Variants in PGGHG observed in about 807,000 individuals in gnomAD.
PGGHG encodes protein-glucosylgalactosylhydroxylysine glucosidase, also known as ATH1, acid trehalase-like 1.
PGGHG carries 67 observed loss-of-function variants against 74.5 expected under a neutral mutation model. That is an observed-to-expected ratio of 0.90 (90% CI 0.74 to 1.10). The LOEUF (loss-of-function observed/expected upper bound fraction) is 1.10. PGGHG is among the 50% of genes least tolerant of loss of function. PGGHG has a pLI of 0.00. For synonymous variants in PGGHG, 496 were observed against 419.9 expected (o/e 1.18, Z -2.21); for missense variants, 1,034 against 981.5 (o/e 1.05, Z -0.72).
chr11:292,473 G>T, intron 5 of PGGHG, 73 bp from the exon 6 acceptor site: 1 of 1,579,092 alleles, frequency 6.3e-7, no homozygotes. Context: ...CCTCCAGGGC[G>T]AGGGCACGGG....
chr11:292,027 G>A lies in PGGHG; in HGVS notation c.958G>A (p.Ala320Thr). 1.2e-6 allele frequency: 2 copies of A among 1,607,600 alleles called. No homozygotes were observed. The highest frequency in any genetic ancestry group is 1.7e-6 in the Non-Finnish European group (2 of 1,177,432). ...GATGTTCCACCCAGAAGCCGCCAGG[G>A]CCATCCTGGAGTACCGCATCCGCAC... ...ILMFHPEAAR[A>T]ILEYRIRTLD... The change falls in exon 5 of 14, where the codon GCC (alanine) becomes ACC (threonine). Residue 320 changes from alanine to threonine, a missense_variant. Coordinates refer to ENST00000409548, the MANE Select transcript of PGGHG (RefSeq NM_025092.5).
chr11:294,221 C>G (rs1290087124), intron 12 of PGGHG, 25 bp downstream of exon 12: 3 of 1,594,910 alleles, frequency 1.9e-6, no homozygotes, highest in African/African-American at 2.7e-5. Flanking sequence ...TGGCAGAGGG[C>G]AGCCCATGCC....
Position 293,642 on chromosome 11 carries a change from C to G in PGGHG, c.1529C>G (p.Pro510Arg). Reference sequence around the variant, plus strand: ...GTCGTGCTCCTGGGATACCCAGTCCCCTTCTCCCTGAGTCCTGATGTTCGC... The same window carrying G: ...GTCGTGCTCCTGGGATACCCAGTCCGCTTCTCCCTGAGTCCTGATGTTCGC... ...ADVVLLGYPV[P>R]FSLSPDVRRK... The change falls in exon 10 of 14, where the codon CCC (proline) becomes CGC (arginine). Residue 510 changes from proline to arginine, a missense_variant. Pro to Arg is a moderately radical substitution (Grantham distance 103). Transcript: ENST00000409548. 1.2e-6 allele frequency: 2 copies of G among 1,613,602 alleles called. No homozygotes were observed. Among genetic ancestry groups the G allele is most frequent in the Non-Finnish European group, 1.7e-6 (2 of 1,180,002 alleles).
At chr11:293,042 TC>T in intron 7 of PGGHG, 45 bp downstream of exon 7, 1 of 1,613,714 alleles carries the variant, frequency 6.2e-7, no homozygotes, top group Non-Finnish European at 8.5e-7. Flanking sequence ...GGGTGGATGC[TC>T]CCAGACTCAG....
In PGGHG at chr11:290,916, C is replaced by G. The variant is rs997328459; in HGVS notation, c.709C>G (p.Gln237Glu). The G allele has an allele frequency of 1.4e-5, 22 of 1,612,362 alleles. No individual in the cohort carries two copies. Among genetic ancestry groups the G allele is most frequent in the Non-Finnish European group, 1.8e-5 (21 of 1,179,640 alleles). ...LYTAHAQAWA[Q>E]LWVECGLDVV... ...TACGGCTCACGCACAGGCCTGGGCCCAGCTCTGGGTAGAATGTGGCTTGGA... is the reference window on the plus strand; with the variant it reads ...TACGGCTCACGCACAGGCCTGGGCCGAGCTCTGGGTAGAATGTGGCTTGGA... Residue 237 changes from glutamine to glutamate, a missense_variant, in exon 4 of 14, where the codon CAG becomes GAG. Gln to Glu is a conservative substitution (Grantham distance 29, BLOSUM62 2). Transcript: ENST00000409548.
Position 294,147 on chromosome 11 carries a change from G to C in PGGHG, c.1759G>C (p.Gly587Arg), listed in dbSNP as rs866797218. The C allele has an allele frequency of 1.2e-6, 2 of 1,612,782 alleles. No individual in the cohort carries two copies. Among genetic ancestry groups the C allele is most frequent in the Non-Finnish European group, 1.7e-6 (2 of 1,179,484 alleles). The change falls in exon 12 of 14, where the codon GGC becomes CGC. Residue 587 changes from glycine (G) to arginine (R), a missense_variant. Physicochemically the swap from Gly to Arg is moderately radical, Grantham distance 125. Transcript: ENST00000409548. ...DGSGAVNFLTGMGGFLQAVVF... is the reference protein window; with the variant it reads ...DGSGAVNFLTRMGGFLQAVVF... ...GTCAGGCGCTGTGAACTTCCTGACAGGCATGGGGGGCTTCCTGCAGGCGGT... is the reference window on the plus strand; with the variant it reads ...GTCAGGCGCTGTGAACTTCCTGACACGCATGGGGGGCTTCCTGCAGGCGGT...
chr11:290,102 C>G, intron 2 of PGGHG, 27 bp downstream of exon 2: 2 of 1,501,056 alleles, frequency 1.3e-6, no homozygotes, highest in Non-Finnish European at 1.8e-6. Context: ...TGCCTCACCC[C>G]TGCCCCAGGC....
Position 291,014 on chromosome 11 carries a change from G to T in PGGHG, c.807G>T (p.Gln269His), listed in dbSNP as rs1423830353. 5 of 1,612,500 alleles carry T rather than the reference G, an allele frequency of 3.1e-6. No homozygotes were observed. The highest frequency in any genetic ancestry group is 4.2e-6 in the Non-Finnish European group (5 of 1,179,942). ...ACTACCTGCTCAGTGCCCTGCCCCA[G>T]CCCAAGGCCCCAGGATACATCTGCC... ...SLYYLLSALPQPKAPGYICHG... is the reference protein window; with the variant it reads ...SLYYLLSALPHPKAPGYICHG... Residue 269 changes from glutamine to histidine, a missense_variant, in exon 4 of 14, where the codon CAG becomes CAT. Gln to His is a conservative substitution (Grantham distance 24). Coordinates refer to ENST00000409548, the MANE Select transcript of PGGHG (RefSeq NM_025092.5).
In PGGHG at chr11:294,655, C is replaced by T. The variant is rs374560574; in HGVS notation, c.2120C>T (p.Ser707Leu). Reference sequence around the variant, plus strand: ...TCCGAGTTCCCTGGGAGGACTTTTTCAGATGTTAGGGACCCGCTCCAGAGC... The same window carrying T: ...TCCGAGTTCCCTGGGAGGACTTTTTTAGATGTTAGGGACCCGCTCCAGAGC... The part of the protein sequence containing the change: ...SSSEFPGRTF[S>L]DVRDPLQSPL... The change falls in exon 14 of 14, where the codon TCA (serine) becomes TTA (leucine). Residue 707 changes from serine (S) to leucine (L), a missense_variant. By Grantham distance (145) the Ser-to-Leu change is moderately radical. Transcript: ENST00000409548. 2 of 1,613,546 alleles carry T rather than the reference C, an allele frequency of 1.2e-6. No individual in the cohort carries two copies. The highest frequency in any genetic ancestry group is 2.7e-5 in the African/African-American group (2 of 74,828).
chr11:293,174 C>A lies in PGGHG; in HGVS notation c.1282C>A (p.Pro428Thr), dbSNP rs1232866636. 6.2e-7 allele frequency: 1 copy of A among 1,613,786 alleles called. No homozygotes were observed. Among genetic ancestry groups the A allele is most frequent in the Non-Finnish European group, 8.5e-7 (1 of 1,180,008 alleles). ...ACTTGTGTGTCCAGGAGTCATGTCC[C>A]CCGACGAGTACCATTCAGGGGTCAA... is the stretch of plus-strand genomic sequence containing the variant. ...EKYHLRGVMS[P>T]DEYHSGVNNS... The change falls in exon 8 of 14, where the codon CCC becomes ACC. Residue 428 changes from proline (P) to threonine (T), a missense_variant. Transcript: ENST00000409548.
Position 293,255 on chromosome 11 carries a change from C to A in PGGHG, c.1343+20C>A. 6.2e-7 allele frequency: 1 copy of A among 1,608,832 alleles called. No homozygotes were observed. ...GAACAGGTCAGACACAAGATCCCCTCACCTCACCCCACCCCCGCCCCAGCT... is the reference window on the plus strand; with the variant it reads ...GAACAGGTCAGACACAAGATCCCCTAACCTCACCCCACCCCCGCCCCAGCT... On this transcript the variant is annotated intron_variant, in intron 8 of 13. Transcript: ENST00000409548.
chr11:294,981 C>A lies in PGGHG; in HGVS notation c.*232C>A. The A allele has an allele frequency of 2.0e-6, 1 of 504,984 alleles. No homozygotes were observed. Among genetic ancestry groups the A allele is most frequent in the Non-Finnish European group, 3.5e-6 (1 of 289,276 alleles). 31.3% of individuals were successfully genotyped at this position (504,984 alleles called of 1,614,324 possible). A position where few individuals can be genotyped will look rare whatever the true frequency, so the allele number is the denominator to read the frequency against. On this transcript the variant is annotated 3_prime_UTR_variant, in exon 14 of 14. Coordinates refer to ENST00000409548, the MANE Select transcript of PGGHG (RefSeq NM_025092.5). Reference sequence around the variant, plus strand: ...CATCTCCACACCGCCTCTGCCTGCCCCTGTGGACTGATGCTATCGCGCACC... The same window carrying A: ...CATCTCCACACCGCCTCTGCCTGCCACTGTGGACTGATGCTATCGCGCACC...
At position 293,939 on chromosome 11, in the gene PGGHG, C is replaced by T. The variant is rs770745066; in HGVS notation, c.1710+14C>T. Reference sequence around the variant, plus strand: ...GAACCCTTCAAGGTCAGCCTGGCCACACCTGCCTCCCACTGGGCCCCTTGT... The same window carrying T: ...GAACCCTTCAAGGTCAGCCTGGCCATACCTGCCTCCCACTGGGCCCCTTGT... On this transcript the variant is annotated intron_variant, in intron 11 of 13. Coordinates refer to ENST00000409548, the MANE Select transcript of PGGHG (RefSeq NM_025092.5). The T allele has an allele frequency of 3.4e-5, 55 of 1,607,254 alleles. No individual in the cohort carries two copies. Among genetic ancestry groups the T allele is most frequent in the Admixed American group, 1.7e-5 (1 of 58,886 alleles).
Position 292,632 on chromosome 11 carries a change from C to T in PGGHG, c.1113C>T (p.Asn371=), listed in dbSNP as rs369079985. The T allele has an allele frequency of 2.8e-5, 45 of 1,613,668 alleles. No homozygotes were observed. Among genetic ancestry groups the T allele is most frequent in the South Asian group, 7.7e-5 (7 of 91,094 alleles). ...DIYGVQEVHV[N]GAVVLAFELY... Reference sequence around the variant, plus strand: ...ACGGAGTCCAGGAGGTCCACGTCAACGGGGCCGTGGTGTTGGCCTTCGAGC... The same window carrying T: ...ACGGAGTCCAGGAGGTCCACGTCAATGGGGCCGTGGTGTTGGCCTTCGAGC... The change falls in exon 6 of 14, where the codon AAC becomes AAT. Residue 371 remains asparagine, a synonymous_variant. Coordinates refer to ENST00000409548, the MANE Select transcript of PGGHG (RefSeq NM_025092.5).
chr11:289,780 C>G lies in PGGHG; in HGVS notation c.-13-24C>G, dbSNP rs1845659919. 2.0e-6 allele frequency: 3 copies of G among 1,534,446 alleles called. No homozygotes were observed. The highest frequency in any genetic ancestry group is 2.7e-5 in the African/African-American group (2 of 72,778). On this transcript the variant is annotated intron_variant, in intron 1 of 13. Transcript: ENST00000409548. The surrounding 1 kb of genome is among the most constrained non-coding windows in gnomAD (Gnocchi z 5.6). The stretch of plus-strand genomic sequence containing the variant: ...GGAGGCCCAGCCAGTCCCGCGGCCC[C>G]TGACACCCCATCAGGCCGCTCAGGC...
rs140222962 is a variant in PGGHG, at chr11:292,962, A to C, written c.1235A>C (p.Glu412Ala). ...GCCGAGTTTTGGTGCAGTCGTGTTG[A>C]GTGGAGCCCCAGGGAGGAAAAGTAC... ...AVAEFWCSRV[E>A]WSPREEKYHL... The change falls in exon 7 of 14, where the codon GAG (glutamate) becomes GCG (alanine). Residue 412 changes from glutamate to alanine, a missense_variant. Transcript: ENST00000409548. 7.0e-3 allele frequency: 11,288 copies of C among 1,613,820 alleles called. 50 individuals carry two copies. Among genetic ancestry groups the C allele is most frequent in the Non-Finnish European group, 8.8e-3 (10,371 of 1,179,928 alleles).
rs755553946 is a variant in PGGHG, at chr11:293,452, C to G, written c.1430C>G (p.Pro477Arg). Residue 477 changes from proline (P) to arginine (R), a missense_variant, in exon 9 of 14, where the codon CCC becomes CGC. Pro to Arg is a moderately radical substitution (Grantham distance 103). Transcript: ENST00000409548. ...WLAVADKIKV[P>R]FDVEQNFHPE... The stretch of plus-strand genomic sequence containing the variant: ...GCGGTGGCTGACAAGATCAAGGTAC[C>G]CTTTGACGTGGAGCAGAACTTCCAC... 1 of 1,612,238 alleles carries G rather than the reference C, an allele frequency of 6.2e-7. No individual in the cohort carries two copies. Among genetic ancestry groups the G allele is most frequent in the South Asian group, 1.1e-5 (1 of 91,086 alleles).
In PGGHG at chr11:293,369, G is replaced by C. The variant is rs1845784826; in HGVS notation, c.1347G>C (p.Leu449=). The C allele has an allele frequency of 6.2e-7, 1 of 1,611,804 alleles. No individual in the cohort carries two copies. Among genetic ancestry groups the C allele is most frequent in the Non-Finnish European group, 8.5e-7 (1 of 1,179,772 alleles). ...CCCCACCTACCTCCACCTCCAGCCT[G>C]CGCTTTGCTGCTGCCCTGGCCCAGG... ...VYTNVLVQNS[L]RFAAALAQDL... The change falls in exon 9 of 14, where the codon CTG becomes CTC. Residue 449 remains leucine (L), a synonymous_variant. Transcript: ENST00000409548.
At position 289,932 on chromosome 11, in the gene PGGHG, C is replaced by T. The variant is rs778120860; in HGVS notation, c.116C>T (p.Thr39Met). 21 of 1,550,874 alleles carry T rather than the reference C, an allele frequency of 1.4e-5. No homozygotes were observed. Among genetic ancestry groups the T allele is most frequent in the East Asian group, 7.3e-5 (3 of 40,914 alleles). Residue 39 changes from threonine to methionine, a missense_variant, in exon 2 of 14, where the codon ACG becomes ATG. Physicochemically the swap from Thr to Met is moderately conservative, Grantham distance 81. Transcript: ENST00000409548. The surrounding 1 kb of genome is among the most constrained non-coding windows in gnomAD (Gnocchi z 5.6). ...AYLGTRVFHD[T>M]LHVSGVYNGA... ...CTGGGCACACGAGTGTTTCACGACA[C>T]GCTGCACGTGAGCGGCGTGTACAAT...
Sources: gnomAD v4.1 joint callset for allele counts on GRCh38, gnomAD v4.1.1 for gene constraint, Gnocchi (gnomAD v3.1) non-coding constraint, MANE v1.5 for transcripts, NCBI Gene and HGNC (gene_info 2026-07-23, HGNC 2026-07-21) for gene names.